AKAP13: variants seen among roughly 807,000 people sequenced by gnomAD.
The protein encoded by AKAP13 is A-kinase anchoring protein 13.
A neutral mutation model predicts 264.5 loss-of-function variants in AKAP13; 80 were observed. The observed-to-expected ratio is 0.30, with a 90% CI of 0.25 to 0.36. The LOEUF (loss-of-function observed/expected upper bound fraction) is 0.36, where lower values mean the gene tolerates loss of function less well. Ranked by LOEUF, AKAP13 falls within the 10% of genes least tolerant of loss-of-function variation. The probability of loss-of-function intolerance (pLI) is 1.00; values close to 1 mark genes in which losing one functional copy is unlikely to be tolerated. For missense variants in AKAP13, 3,712 were observed against 3,435.2 expected (o/e 1.08, Z -2.01); for synonymous variants, 1,380 against 1,250.2 (o/e 1.10, Z -2.19).
rs1244536194 is a variant in AKAP13 at position 85,580,579 on chromosome 15, G to C, written c.2511G>C (p.Thr837=). The change falls in exon 7 of 37, where the codon ACG becomes ACC. Residue 837 remains threonine (T), a synonymous_variant. Transcript: ENST00000394518. ...GPDGNSNEPD[T]RPLEDRAVGL... Reference sequence around the variant, plus strand: ...ATGGAAATTCGAATGAGCCTGATACGCGGCCACTAGAAGACAGGGCAGTAG... The same window carrying C: ...ATGGAAATTCGAATGAGCCTGATACCCGGCCACTAGAAGACAGGGCAGTAG... 6.2e-7 allele frequency: 1 copy of C among 1,614,148 alleles called. No individual in the cohort carries two copies. Among genetic ancestry groups the C allele is most frequent in the South Asian group, 1.1e-5 (1 of 91,082 alleles).
rs1266252413 is a variant in AKAP13 at position 85,746,110 on chromosome 15, A to C, written c.*1433A>C. The C allele has an allele frequency of 6.6e-6, 1 of 152,460 alleles. No homozygotes were observed. The highest frequency in any genetic ancestry group is 1.5e-5 in the Non-Finnish European group (1 of 68,032). The allele number at this position is 152,460 out of a possible 1,614,324, so 9.4% of individuals were successfully genotyped here. The stretch of plus-strand genomic sequence containing the variant: ...ATTTTGTGCTTCCAACGTGGCCTTC[A>C]ATTCTTGCTTTTTTGCCCCTCGGAA... On this transcript the variant is annotated 3_prime_UTR_variant, in exon 37 of 37. Coordinates refer to ENST00000394518, the MANE Select transcript of AKAP13 (RefSeq NM_007200.5).
intron 16 of AKAP13, among the ~76,000 whole-genome samples, chr15:85,690,534 CCT>C (rs1208461052): frequency 1.3e-5 from 2 of 152,260 alleles, no homozygotes; most frequent in South Asian, 2.1e-4. Flanking sequence ...TTTCTCCCTT[CCT>C]CTCTCATTAT....
Position 85,645,879 on chromosome 15 carries a change from TA to T in AKAP13, c.4303del (p.Arg1435GlufsTer63). 1 of 1,613,902 alleles carries T rather than the reference TA, an allele frequency of 6.2e-7. No individual in the cohort carries two copies. Among genetic ancestry groups the T allele is most frequent in the Non-Finnish European group, 8.5e-7 (1 of 1,179,952 alleles). On this transcript the variant is annotated frameshift_variant, in exon 10 of 37. Coordinates refer to ENST00000394518, the MANE Select transcript of AKAP13 (RefSeq NM_007200.5). LOFTEE classifies it high-confidence loss of function. The stretch of plus-strand genomic sequence containing the variant: ...AGTGTACCTCAAAACAAGGTGTACT[TA>T]AAAGAGAATCTGGGAGTGATTCTGA... Reference protein sequence around the residue: ...RECTSKQGVLKRESGSDSDLF... With the variant: ...RECTSKQGVLXRESGSDSDLF...
chr15:85,408,217 C>T (rs2071768309), intron 1 of AKAP13, among the ~76,000 whole-genome samples: 1 of 151,646 alleles, frequency 6.6e-6, no homozygotes, highest in African/African-American at 2.4e-5. Flanking sequence ...TTTTAGAGTC[C>T]ATTTATTCAT....
chr15:85,471,221 C>T (rs1161044530), intron 1 of AKAP13, among the ~76,000 whole-genome samples: 5 of 152,116 alleles, frequency 3.3e-5, no homozygotes, highest in Admixed American at 1.3e-4. Flanking sequence ...ATTGGCTGGG[C>T]GCGGTGGCTC....
At chr15:85,396,887 T>C (rs2071139585) in intron 1 of AKAP13, among the ~76,000 whole-genome samples, 1 of 149,504 alleles carries the variant, frequency 6.7e-6, no homozygotes, top group African/African-American at 2.5e-5. Context: ...TTTTGAGTCC[T>C]CTCGTATGTT....
In AKAP13 at chr15:85,698,234, G is replaced by A. The variant is rs148500262; in HGVS notation, c.5464+4783G>A. ...TGTAATCCCAGCACTTTAGGAGGCT[G>A]AGGCTGGCGGATCACTTGAGGTCAG... On this transcript the variant is annotated intron_variant, in intron 17 of 36. Coordinates refer to ENST00000394518, the MANE Select transcript of AKAP13 (RefSeq NM_007200.5). 6.5e-3 allele frequency among the ~76,000 whole-genome samples: 979 copies of A among 150,884 alleles called. 5 individuals carry two copies. Among genetic ancestry groups the A allele is most frequent in the Non-Finnish European group, 0.011 (775 of 67,590 alleles).
chr15:85,488,679 A>G (rs1183126583), intron 2 of AKAP13, among the ~76,000 whole-genome samples: 2 of 152,334 alleles, frequency 1.3e-5, no homozygotes, highest in South Asian at 2.1e-4. Flanking sequence ...TGAAGATGCT[A>G]CACTGCTGGC....
chr15:85,396,038 ACACACATACATATG>A (rs2071093887), intron 1 of AKAP13, among the ~76,000 whole-genome samples: 1 of 152,014 alleles, frequency 6.6e-6, no homozygotes, highest in Non-Finnish European at 1.5e-5. Context: ...ACACACACAC[ACACACATACATATG>A]CACACATAAC....
intron 15 of AKAP13, among the ~76,000 whole-genome samples, chr15:85,682,881 G>A (rs1025794264): frequency 5.9e-5 from 9 of 152,100 alleles, no homozygotes; most frequent in South Asian, 2.1e-4. Flanking sequence ...TGGTCAGGCA[G>A]GTCTCAAACT....
intron 1 of AKAP13, among the ~76,000 whole-genome samples, chr15:85,472,341 T>TA (rs770466257): frequency 0.011 from 1,474 of 132,996 alleles, 6 homozygotes; most frequent in Non-Finnish European, 0.015. Context: ...ACCCATCTCT[T>TA]AAAAAAAAAA....
At position 85,719,053 on chromosome 15, in the gene AKAP13, CTTGATCT is replaced by C. The variant is rs1199267156; in HGVS notation, c.6002-20_6002-14del. The C allele has an allele frequency of 1.2e-6, 2 of 1,611,856 alleles. No individual in the cohort carries two copies. Among genetic ancestry groups the C allele is most frequent in the Non-Finnish European group, 1.7e-6 (2 of 1,179,258 alleles). ...TGCTTATAAAAGAGTGTTCCTGACA[CTTGATCT>C]TTTTCCTCCTTTTAGAGTTGATGCA... On this transcript the variant is annotated splice_polypyrimidine_tract_variant and intron_variant, in intron 22 of 36. Transcript: ENST00000394518.
At chr15:85,414,709 A>C (rs1015229260) in intron 1 of AKAP13, among the ~76,000 whole-genome samples, 1 of 152,192 alleles carries the variant, frequency 6.6e-6, no homozygotes, top group Non-Finnish European at 1.5e-5. Context: ...TTCTAAGATG[A>C]ATAGTTAATT....
intron 1 of AKAP13, among the ~76,000 whole-genome samples, chr15:85,479,178 G>A (rs1046242896): frequency 6.6e-5 from 10 of 152,082 alleles, no homozygotes; most frequent in African/African-American, 2.4e-4. Context: ...TTTGTATCCT[G>A]GTCTTCTTCC....
In AKAP13 at chr15:85,667,826, T is replaced by C. The variant is rs74941061; in HGVS notation, c.4993-1896T>C. On this transcript the variant is annotated intron_variant, in intron 13 of 36. Coordinates refer to ENST00000394518, the MANE Select transcript of AKAP13 (RefSeq NM_007200.5). The stretch of plus-strand genomic sequence containing the variant: ...ATGATTTAATTTTCTTAATATTATT[T>C]ATGTGATACCTTTTCTAAGATGGAT... Among the ~76,000 whole-genome samples, 808 of 152,344 alleles carry C rather than the reference T, an allele frequency of 5.3e-3. 5 individuals carry two copies. The highest frequency in any genetic ancestry group is 0.018 in the African/African-American group (738 of 41,568).
intron 4 of AKAP13, among the ~76,000 whole-genome samples, chr15:85,539,732 T>G (rs1368411476): frequency 6.6e-6 from 1 of 152,188 alleles, no homozygotes; most frequent in Admixed American, 6.5e-5. Flanking sequence ...GTGAGACATT[T>G]TCTGCCTTCC....
intron 9 of AKAP13, among the ~76,000 whole-genome samples, chr15:85,640,154 G>T (rs184370510): frequency 6.6e-6 from 1 of 152,110 alleles, no homozygotes; most frequent in African/African-American, 2.4e-5. Flanking sequence ...TGTGTGCTCC[G>T]TTGTCTCCCT....
chr15:85,463,449 T>C (rs1473408466), intron 1 of AKAP13, among the ~76,000 whole-genome samples: 1 of 151,824 alleles, frequency 6.6e-6, no homozygotes, highest in African/African-American at 2.4e-5. Context: ...TGCTGTAGTG[T>C]TTCTTTCTGG....
At chr15:85,506,947 C>T (rs1224773984) in intron 2 of AKAP13, among the ~76,000 whole-genome samples, 3 of 152,184 alleles carry the variant, frequency 2.0e-5, no homozygotes, top group Non-Finnish European at 4.4e-5. Flanking sequence ...CATACTCTCC[C>T]CTCCTTGGAG....
Sources: gnomAD v4.1 joint callset for allele counts (sites outside exome capture counted in the v4.1 genomes callset) on GRCh38, gnomAD v4.1.1 for gene constraint, MANE v1.5 for transcripts, NCBI Gene and HGNC (gene_info 2026-07-23, HGNC 2026-07-21) for gene names.